The following SGCD variants were observed in gnomAD, a reference collection of about 807,000 sequenced individuals.
The protein encoded by SGCD is delta-sarcoglycan.
Under a neutral mutation model 36.6 loss-of-function variants are expected in SGCD, and 18 were observed. The ratio of observed to expected loss-of-function variants is 0.49; its 90% CI spans 0.34 to 0.73. The LOEUF (loss-of-function observed/expected upper bound fraction) is 0.73, where lower values mean the gene tolerates loss of function less well. SGCD is among the 30% of genes least tolerant of loss of function. SGCD has a pLI of 0.01. For synonymous variants in SGCD, 133 were observed against 130.6 expected (o/e 1.02, Z -0.12); for missense variants, 387 against 346.7 (o/e 1.12, Z -0.92).
chr5:156,558,620 C>T (rs927954582), intron 4 of SGCD, among the ~76,000 whole-genome samples: 1 of 152,228 alleles, frequency 6.6e-6, no homozygotes, highest in Middle Eastern at 3.4e-3. Context: ...ATCTAGTACA[C>T]TGAGCCTAAA....
At chr5:156,442,564 C>T (rs1432754505) in intron 3 of SGCD, among the ~76,000 whole-genome samples, 1 of 152,176 alleles carries the variant, frequency 6.6e-6, no homozygotes, top group Admixed American at 6.6e-5. Context: ...ACTTTTGTAG[C>T]CTGCTCATTT....
the SGCD span, among the ~76,000 whole-genome samples, chr5:155,736,848 T>A: frequency 0.073 from 11,171 of 152,252 alleles, 539 homozygotes; most frequent in Middle Eastern, 0.12. Context: ...GAGGAATTAA[T>A]AAATCACCAC....
chr5:155,770,239 T>C, the SGCD span, among the ~76,000 whole-genome samples: 1 of 151,790 alleles, frequency 6.6e-6, no homozygotes, highest in African/African-American at 2.4e-5. Flanking sequence ...CCAAACATAA[T>C]ACCAGGAGAA....
chr5:156,269,893 C>T (rs890978908), intron 3 of SGCD, among the ~76,000 whole-genome samples: 1 of 152,194 alleles, frequency 6.6e-6, no homozygotes, highest in African/African-American at 2.4e-5. Context: ...TCTCATTTGT[C>T]ACTTTTTGCT....
intron 1 of SGCD, among the ~76,000 whole-genome samples, chr5:155,997,518 C>A (rs1366868928): frequency 1.3e-5 from 2 of 152,188 alleles, no homozygotes; most frequent in Admixed American, 1.3e-4. Context: ...TGAAATACAT[C>A]GCTCAACATG....
At chr5:156,029,032 GTT>G (rs36093815) in intron 1 of SGCD, among the ~76,000 whole-genome samples, 4 of 150,752 alleles carry the variant, frequency 2.7e-5, no homozygotes, top group Admixed American at 6.6e-5. Flanking sequence ...AGGCTTTTAT[GTT>G]TTTTTTTAGA....
chr5:156,449,605 G>A (rs1420669302), intron 3 of SGCD, among the ~76,000 whole-genome samples: 2 of 148,552 alleles, frequency 1.3e-5, no homozygotes, highest in Non-Finnish European at 3.0e-5. Context: ...GCGGAAACGG[G>A]TGGATCACCT....
intron 3 of SGCD, among the ~76,000 whole-genome samples, chr5:156,321,679 G>C (rs898594186): frequency 6.6e-6 from 1 of 152,148 alleles, no homozygotes; most frequent in African/African-American, 2.4e-5. Flanking sequence ...TGGTCACATG[G>C]ATGAGCATGT....
intron 4 of SGCD, among the ~76,000 whole-genome samples, chr5:156,549,634 T>C (rs1758713933): frequency 6.6e-6 from 1 of 152,250 alleles, no homozygotes; most frequent in Admixed American, 6.5e-5. Context: ...ATTCATGGCA[T>C]TTGCTATTAA....
intron 4 of SGCD, among the ~76,000 whole-genome samples, chr5:156,552,712 A>G (rs1443088689): frequency 6.6e-6 from 1 of 152,160 alleles, no homozygotes; most frequent in Non-Finnish European, 1.5e-5. Context: ...AGATAGCAAT[A>G]ATATTATTAA....
chr5:156,352,581 T>C (rs1769312279), intron 3 of SGCD, among the ~76,000 whole-genome samples: 1 of 152,242 alleles, frequency 6.6e-6, no homozygotes, highest in Non-Finnish European at 1.5e-5. Flanking sequence ...ATACCTGTAG[T>C]ATATAGATCT....
chr5:156,267,970 ATTC>A (rs958033865), intron 3 of SGCD, among the ~76,000 whole-genome samples: 5 of 151,966 alleles, frequency 3.3e-5, no homozygotes, highest in African/African-American at 1.2e-4. Flanking sequence ...TATTTTTTCC[ATTC>A]TTCTCCCTCC....
chr5:156,592,284 G>T (rs1760754728), intron 5 of SGCD, among the ~76,000 whole-genome samples: 1 of 151,882 alleles, frequency 6.6e-6, no homozygotes, highest in African/African-American at 2.4e-5. Flanking sequence ...CCCATCCTGA[G>T]GTCATTCATT....
intron 3 of SGCD, among the ~76,000 whole-genome samples, chr5:156,296,330 A>C (rs753900942): frequency 6.6e-6 from 1 of 152,174 alleles, no homozygotes; most frequent in Non-Finnish European, 1.5e-5. Context: ...AAGGTGACCA[A>C]TTCTTGATTC....
the SGCD span, among the ~76,000 whole-genome samples, chr5:155,738,282 A>C: frequency 2.0e-5 from 3 of 152,230 alleles, no homozygotes; most frequent in Middle Eastern, 3.2e-3. Flanking sequence ...GCCTAACAAT[A>C]CAAAATGGTA....
At chr5:156,069,790 T>A (rs965517683) in intron 1 of SGCD, among the ~76,000 whole-genome samples, 1 of 151,820 alleles carries the variant, frequency 6.6e-6, no homozygotes, top group Non-Finnish European at 1.5e-5. Flanking sequence ...TTTGTTTGTA[T>A]CCTCTTTTAT....
chr5:156,643,003 AGGTTTTTTGGGG>A (rs1272707051), intron 6 of SGCD, among the ~76,000 whole-genome samples: 3 of 145,780 alleles, frequency 2.1e-5, no homozygotes, highest in South Asian at 2.2e-4. Context: ...ATTAATTACT[AGGTTTTTTGGGG>A]GGTTTTTTGT....
intron 1 of SGCD, among the ~76,000 whole-genome samples, chr5:155,872,403 A>G (rs1311838558): frequency 1.3e-5 from 2 of 151,838 alleles, no homozygotes; most frequent in Non-Finnish European, 2.9e-5. Context: ...GGAAAACTCT[A>G]TAGCCTATTG....
intron 3 of SGCD, among the ~76,000 whole-genome samples, chr5:156,437,084 T>A (rs889867774): frequency 6.6e-5 from 10 of 152,176 alleles, no homozygotes; most frequent in African/African-American, 9.7e-5. Context: ...CATTATCCTT[T>A]AAAATAACTT....
Sources: gnomAD v4.1 joint callset for allele counts (sites outside exome capture counted in the v4.1 genomes callset) on GRCh38, gnomAD v4.1.1 for gene constraint, MANE v1.5 for transcripts, NCBI Gene and HGNC (gene_info 2026-07-23, HGNC 2026-07-21) for gene names.